The following SYNE2 variants were observed in gnomAD, a reference collection of about 807,000 sequenced individuals.
SYNE2 encodes spectrin repeat containing nuclear envelope protein 2.
In SYNE2, 431 loss-of-function variants were observed where a neutral mutation model predicts 856.3. That is an observed-to-expected ratio of 0.50 (90% CI 0.47 to 0.55). The LOEUF (loss-of-function observed/expected upper bound fraction) is 0.55, where lower values mean the gene tolerates loss of function less well. Among genes scored for constraint, SYNE2 ranks in the 20% least tolerant of loss-of-function variants. SYNE2 has a pLI of 0.00. For missense variants in SYNE2, 8,129 were observed against 8,023.2 expected (o/e 1.01, Z -0.50); for synonymous variants, 2,923 against 2,872.3 (o/e 1.02, Z -0.56).
At position 64,062,847 on chromosome 14, in the gene SYNE2, G is replaced by A. The variant is rs772208833; in HGVS notation, c.10164G>A (p.Ser3388=). Residue 3388 remains serine, a synonymous_variant, in exon 50 of 116, where the codon TCG becomes TCA. Transcript: ENST00000555002. ...CAGTTCTTGGACAGTCCATGTCCTC[G>A]TTGCCACTGTCTTACAGAGAAGCTT... The part of the protein sequence containing the change: ...METVLGQSMS[S]LPLSYREALE... 17 of 1,614,028 alleles carry A rather than the reference G, an allele frequency of 1.1e-5. No individual in the cohort carries two copies. Among genetic ancestry groups the A allele is most frequent in the Middle Eastern group, 1.6e-4 (1 of 6,084 alleles).
rs758031209 is a variant in SYNE2, at chr14:64,053,277, C to T, written c.9364C>T (p.Gln3122Ter). Residue 3122 changes from glutamine (Q) to a stop codon, truncating the protein, a stop_gained, in exon 48 of 116, where the codon CAA (glutamine) becomes TAA (stop). Transcript: ENST00000555002. LOFTEE classifies it high-confidence loss of function. ...DDSFKEKEIL[Q>*]IKLNAEENDK... ...CTCATTCAAGGAGAAAGAAATACTACAAATAAAGCTGAATGCAGAAGAAAA... is the reference window on the plus strand; with the variant it reads ...CTCATTCAAGGAGAAAGAAATACTATAAATAAAGCTGAATGCAGAAGAAAA... The T allele has an allele frequency of 6.2e-7, 1 of 1,608,286 alleles. No individual in the cohort carries two copies. Among genetic ancestry groups the T allele is most frequent in the Non-Finnish European group, 8.5e-7 (1 of 1,178,318 alleles).
intron 96 of SYNE2, among the ~76,000 whole-genome samples, chr14:64,182,906 T>C (rs1211581750): frequency 6.6e-6 from 1 of 152,218 alleles, no homozygotes; most frequent in East Asian, 1.9e-4. Context: ...TGGGTACACC[T>C]CCTAGACGGG....
intron 1 of SYNE2, among the ~76,000 whole-genome samples, chr14:63,878,413 AG>A (rs2094777895): frequency 6.6e-6 from 1 of 152,194 alleles, no homozygotes; most frequent in South Asian, 2.1e-4. Flanking sequence ...GATTGTCTAG[AG>A]AAGTCGGTTA....
At chr14:63,816,265 A>T (rs766134355) in intron 1 of SYNE2, among the ~76,000 whole-genome samples, 11 of 151,986 alleles carry the variant, frequency 7.2e-5, no homozygotes, top group Non-Finnish European at 1.2e-4. Context: ...TATTATTACC[A>T]TATAGAGGCC....
chr14:63,801,874 T>C (rs1182551090), intron 1 of SYNE2, among the ~76,000 whole-genome samples: 1 of 150,420 alleles, frequency 6.6e-6, no homozygotes, highest in African/African-American at 2.5e-5. Context: ...TTTTTATAAG[T>C]ATAAAGAAAT....
In SYNE2 at chr14:64,167,635, A is replaced by T; in HGVS notation, c.16901A>T (p.Tyr5634Phe). ...LPELLEQQKT[Y>F]KMLEAEVSIN... is the part of the protein sequence containing the mutation. ...GAGCTCCTGGAGCAGCAGAAAACCTATAAGGTAAACCTGTGTTCTCTGCCA... is the reference window on the plus strand; with the variant it reads ...GAGCTCCTGGAGCAGCAGAAAACCTTTAAGGTAAACCTGTGTTCTCTGCCA... The change falls in exon 92 of 116, where the codon TAT becomes TTT. Residue 5634 changes from tyrosine (Y) to phenylalanine (F), a missense_variant. Coordinates refer to ENST00000555002, the MANE Select transcript of SYNE2 (RefSeq NM_182914.3). 6.2e-7 allele frequency: 1 copy of T among 1,614,224 alleles called. No homozygotes were observed. The highest frequency in any genetic ancestry group is 8.5e-7 in the Non-Finnish European group (1 of 1,180,038).
intron 1 of SYNE2, among the ~76,000 whole-genome samples, chr14:63,816,282 TG>T (rs935073737): frequency 2.6e-5 from 4 of 152,074 alleles, no homozygotes; most frequent in Non-Finnish European, 5.9e-5. Flanking sequence ...GGCCTAATTT[TG>T]GTGGGAGCCC....
chr14:63,854,755 G>T (rs1022810635), intron 1 of SYNE2, among the ~76,000 whole-genome samples: 1 of 152,182 alleles, frequency 6.6e-6, no homozygotes, highest in African/African-American at 2.4e-5. Context: ...AAATTTTTTA[G>T]CATTTCAGTG....
chr14:64,180,155 G>A (rs2098451463), intron 96 of SYNE2, among the ~76,000 whole-genome samples: 1 of 152,086 alleles, frequency 6.6e-6, no homozygotes, highest in South Asian at 2.1e-4. Context: ...TTCCATAAAC[G>A]CAGGATTTGT....
At position 64,219,104 on chromosome 14, in the gene SYNE2, G is replaced by GTTTTTTT. The variant is rs528002229; in HGVS notation, c.19658-90_19658-84dup. ...CAGGGGAATCCCCTACAGTTTTTTT[G>GTTTTTTT]TTTTTTTTTTTTTTTTTTTTAACCA... is the stretch of plus-strand genomic sequence containing the variant. On this transcript the variant is annotated intron_variant, in intron 109 of 115. Transcript: ENST00000555002. 1.5e-3 allele frequency: 594 copies of GTTTTTTT among 408,708 alleles called. 64 individuals are homozygous for GTTTTTTT. Among genetic ancestry groups the GTTTTTTT allele is most frequent in the East Asian group, 0.012 (197 of 17,128 alleles). 25.3% of individuals were successfully genotyped at this position (408,708 alleles called of 1,614,324 possible).
intron 27 of SYNE2, among the ~76,000 whole-genome samples, 157 bp from the exon 28 acceptor site, chr14:64,000,405 G>C (rs1436549635): frequency 1.3e-5 from 2 of 152,226 alleles, no homozygotes; most frequent in Non-Finnish European, 2.9e-5. Context: ...CTAAAGGATA[G>C]TTCACTTGTA....
chr14:64,152,127 G>C (rs1463772242), intron 84 of SYNE2, among the ~76,000 whole-genome samples: 1 of 152,208 alleles, frequency 6.6e-6, no homozygotes, highest in African/African-American at 2.4e-5. Context: ...TATATCGTCT[G>C]TCATTTATAT....
chr14:64,214,462 C>T lies in SYNE2; in HGVS notation c.19325C>T (p.Ala6442Val). 6.2e-7 allele frequency: 1 copy of T among 1,612,428 alleles called. No individual in the cohort carries two copies. Among genetic ancestry groups the T allele is most frequent in the Non-Finnish European group, 8.5e-7 (1 of 1,179,780 alleles). Residue 6442 changes from alanine to valine, a missense_variant, in exon 106 of 116, where the codon GCA becomes GTA. Coordinates refer to ENST00000555002, the MANE Select transcript of SYNE2 (RefSeq NM_182914.3). ...GACGAGGAGGGCCCATACTACAGCG[C>T]ACTGTCAGGTAACAGCTGGGTTCCC... ...EEDEEGPYYS[A>V]LSDVEIPENP...
rs559941271 is a variant in SYNE2 at position 64,207,208 on chromosome 14, G to A, written c.18202-1550G>A. ...CTGCCTGATTTAAAATTCAGTTGGC[G>A]GGTTAGCATTTTATTTTCTTATATC... On this transcript the variant is annotated intron_variant, in intron 100 of 115. Transcript: ENST00000555002. Among the ~76,000 whole-genome samples the A allele has an allele frequency of 5.3e-5, 8 of 152,306 alleles. No individual in the cohort carries two copies. In the South Asian group the frequency reaches 6.2e-4, roughly 12 times the overall value.
intron 66 of SYNE2, among the ~76,000 whole-genome samples, chr14:64,114,321 G>A (rs559521808): frequency 2.0e-5 from 3 of 152,242 alleles, no homozygotes; most frequent in South Asian, 2.1e-4. Context: ...AGGGGCACGC[G>A]AGCTGCTTGC....
At chr14:64,219,096 G>GTTTCT (rs2098680334) in intron 109 of SYNE2, 112 bp from the exon 110 acceptor site, 1 of 751,160 alleles carries the variant, frequency 1.3e-6, no homozygotes. Flanking sequence ...ATCCCCTACA[G>GTTTCT]TTTTTTTGTT....
At chr14:64,152,185 G>A (rs1290865439) in intron 84 of SYNE2, among the ~76,000 whole-genome samples, 1 of 152,182 alleles carries the variant, frequency 6.6e-6, no homozygotes, top group Non-Finnish European at 1.5e-5. Flanking sequence ...TTTTATTTGA[G>A]TTCTTAGCTT....
chr14:64,059,776 G>A (rs553821902), intron 49 of SYNE2, among the ~76,000 whole-genome samples: 5 of 152,292 alleles, frequency 3.3e-5, no homozygotes, highest in East Asian at 1.9e-4. Flanking sequence ...GAGTTGCCCC[G>A]CACCTAGGTG....
At position 64,186,584 on chromosome 14, in the gene SYNE2, G is replaced by A; in HGVS notation, c.17712+5G>A. ...TGGGAGGACCTCTGCTTAAGGGTAA[G>A]TCAGCTCACTGCAGGGCACGGCTGT... On this transcript the variant is annotated splice_donor_5th_base_variant and intron_variant, in intron 97 of 115. Coordinates refer to ENST00000555002, the MANE Select transcript of SYNE2 (RefSeq NM_182914.3). 1.2e-6 allele frequency: 2 copies of A among 1,614,190 alleles called. No individual in the cohort carries two copies. The highest frequency in any genetic ancestry group is 1.7e-6 in the Non-Finnish European group (2 of 1,180,010).
Sources: gnomAD v4.1 joint callset for allele counts (sites outside exome capture counted in the v4.1 genomes callset) on GRCh38, gnomAD v4.1.1 for gene constraint, MANE v1.5 for transcripts, NCBI Gene and HGNC (gene_info 2026-07-23, HGNC 2026-07-21) for gene names.